Variants in IFT74 observed in about 807,000 individuals in gnomAD.
IFT74 encodes the protein intraflagellar transport protein 74 homolog.
IFT74 carries 92 observed loss-of-function variants against 96.7 expected under a neutral mutation model. The observed-to-expected ratio is 0.95, with a 90% CI of 0.80 to 1.13. The LOEUF is 1.13. Among genes scored for constraint, IFT74 ranks in the 50% most tolerant of loss-of-function variants. The pLI, the probability that IFT74 is intolerant of heterozygous loss-of-function variation, is 0.00. For synonymous variants in IFT74, 223 were observed against 213.2 expected (o/e 1.05, Z -0.40); for missense variants, 811 against 698.2 (o/e 1.16, Z -1.82).
At chr9:27,059,947 C>G (rs1400463325) in intron 18 of IFT74, among the ~76,000 whole-genome samples, 2 of 152,114 alleles carry the variant, frequency 1.3e-5, no homozygotes, top group Non-Finnish European at 2.9e-5. Flanking sequence ...AAGACCATAA[C>G]CAGAGTTACA....
intron 3 of IFT74, among the ~76,000 whole-genome samples, chr9:26,979,615 A>G (rs1265384940): frequency 1.3e-5 from 2 of 149,988 alleles, no homozygotes; most frequent in Non-Finnish European, 3.0e-5. Flanking sequence ...CATAGACCTT[A>G]TAGTTAATAC....
At chr9:26,963,097 AT>A (rs1373497028) in intron 2 of IFT74, among the ~76,000 whole-genome samples, 5 of 152,014 alleles carry the variant, frequency 3.3e-5, no homozygotes, top group Admixed American at 6.6e-5. Flanking sequence ...TCCCGATGCT[AT>A]CCCTCCTCTC....
At chr9:26,963,161 A>G (rs1826444114) in intron 2 of IFT74, among the ~76,000 whole-genome samples, 1 of 151,450 alleles carries the variant, frequency 6.6e-6, no homozygotes, top group South Asian at 2.1e-4. Context: ...TCCTGTGTCC[A>G]TGTGATCTCA....
intron 10 of IFT74, among the ~76,000 whole-genome samples, chr9:27,012,810 A>G (rs1003262087): frequency 7.4e-6 from 1 of 135,314 alleles, no homozygotes; most frequent in Non-Finnish European, 1.5e-5. Flanking sequence ...TCCGCCTCCC[A>G]GGTTCACGCC....
At chr9:27,028,105 A>G (rs915508739) in intron 12 of IFT74, among the ~76,000 whole-genome samples, 2 of 152,212 alleles carry the variant, frequency 1.3e-5, no homozygotes, top group African/African-American at 4.8e-5. Context: ...TCGGTTAGCT[A>G]TAGATATATG....
chr9:27,008,984 T>C (rs771398573), intron 8 of IFT74, 36 bp from the exon 9 acceptor site: 2 of 1,548,836 alleles, frequency 1.3e-6, no homozygotes, highest in South Asian at 1.2e-5. Context: ...TTTTCCTCAA[T>C]ATAGTATCAG....
At chr9:27,046,916 T>C (rs1819717194) in intron 14 of IFT74, among the ~76,000 whole-genome samples, 1 of 152,194 alleles carries the variant, frequency 6.6e-6, no homozygotes, top group Non-Finnish European at 1.5e-5. Context: ...GGCTCAAGCT[T>C]ATAATCCCAG....
At chr9:26,997,899 C>T in intron 8 of IFT74, 1 of 1,614,130 alleles carries the variant, frequency 6.2e-7, no homozygotes, top group Non-Finnish European at 8.5e-7. Flanking sequence ...CTTAGAGGCA[C>T]AAATACATCA....
chr9:27,017,038 A>C lies in IFT74; in HGVS notation c.921A>C (p.Lys307Asn), dbSNP rs1179388711. 1 of 1,604,110 alleles carries C rather than the reference A, an allele frequency of 6.2e-7. No individual in the cohort carries two copies. Among genetic ancestry groups the C allele is most frequent in the East Asian group, 2.2e-5 (1 of 44,646 alleles). ...GATCTCCAATGGAAGAGAGAGAGAAATTACTTAAGCAGGTGGGCAAAACAA... is the reference window on the plus strand; with the variant it reads ...GATCTCCAATGGAAGAGAGAGAGAACTTACTTAAGCAGGTGGGCAAAACAA... ...SIGSPMEERE[K>N]LLKQIKDDNQ... Residue 307 changes from lysine to asparagine, a missense_variant, in exon 11 of 20, where the codon AAA becomes AAC. Lys to Asn is a moderately conservative substitution (Grantham distance 94, BLOSUM62 0). Coordinates refer to ENST00000380062, the MANE Select transcript of IFT74 (RefSeq NM_025103.4).
Position 27,048,323 on chromosome 9 carries a change from A to G in IFT74, c.1333+49A>G, listed in dbSNP as rs776948040. ...ATATTCTTTTTTTTTAAAATATATC[A>G]ATGTTATTCTCTGATTATTTTAAAG... is the stretch of plus-strand genomic sequence containing the variant. On this transcript the variant is annotated intron_variant, in intron 16 of 19. Transcript: ENST00000380062. 7 of 1,241,202 alleles carry G rather than the reference A, an allele frequency of 5.6e-6. No individual in the cohort carries two copies. In the Admixed American group the frequency reaches 1.2e-4, roughly 21 times the overall value. 76.9% of individuals were successfully genotyped at this position (1,241,202 alleles called of 1,614,324 possible).
intron 2 of IFT74, among the ~76,000 whole-genome samples, chr9:26,970,649 A>G (rs1416124548): frequency 2.0e-5 from 3 of 152,252 alleles, no homozygotes; most frequent in Non-Finnish European, 2.9e-5. Context: ...TTTACCAGGA[A>G]GAGATATAAC....
chr9:27,015,963 A>C (rs1829325045), intron 10 of IFT74, among the ~76,000 whole-genome samples: 1 of 152,144 alleles, frequency 6.6e-6, no homozygotes, highest in South Asian at 2.1e-4. Flanking sequence ...GTTAGCTAAT[A>C]ACATTTTTGT....
chr9:27,048,121 T>C (rs777992989), intron 15 of IFT74, 27 bp from the exon 16 acceptor site: 3 of 1,510,150 alleles, frequency 2.0e-6, no homozygotes, highest in Non-Finnish European at 2.7e-6. Flanking sequence ...TGGATTTTTT[T>C]CTATTTTTAT....
Position 27,017,022 on chromosome 9 carries a change from T to G in IFT74, c.905T>G (p.Met302Arg). Residue 302 changes from methionine (M) to arginine (R), a missense_variant, in exon 11 of 20, where the codon ATG becomes AGG. Coordinates refer to ENST00000380062, the MANE Select transcript of IFT74 (RefSeq NM_025103.4). ...IAEDKSIGSP[M>R]EEREKLLKQI... ...GAAGACAAAAGCATAGGATCTCCAA[T>G]GGAAGAGAGAGAGAAATTACTTAAG... The G allele has an allele frequency of 6.2e-7, 1 of 1,606,214 alleles. No homozygotes were observed. Among genetic ancestry groups the G allele is most frequent in the Non-Finnish European group, 8.5e-7 (1 of 1,177,280 alleles).
intron 1 of IFT74, among the ~76,000 whole-genome samples, chr9:26,959,252 A>G (rs1826250103): frequency 6.6e-6 from 1 of 152,030 alleles, no homozygotes; most frequent in Admixed American, 6.6e-5. Flanking sequence ...GGGACTACAG[A>G]CACTCGCCAC....
In IFT74 at chr9:27,014,312, C is replaced by T. The variant is rs142964808; in HGVS notation, c.789+2344C>T. 5.1e-4 allele frequency among the ~76,000 whole-genome samples: 78 copies of T among 152,254 alleles called. 1 individual carries two copies. Among genetic ancestry groups the T allele is most frequent in the Admixed American group, 6.5e-4 (10 of 15,300 alleles). ...CCTTGGATCTCTGGTGATGGAAATA[C>T]GCTTAAAGAAAGAAGGACCACATTT... On this transcript the variant is annotated intron_variant, in intron 10 of 19. Coordinates refer to ENST00000380062, the MANE Select transcript of IFT74 (RefSeq NM_025103.4).
intron 2 of IFT74, among the ~76,000 whole-genome samples, chr9:26,970,047 C>T (rs1219910498): frequency 6.6e-6 from 1 of 151,696 alleles, no homozygotes; most frequent in African/African-American, 2.4e-5. Flanking sequence ...TTAATTTCCA[C>T]TGAAAGGTCT....
At chr9:27,019,568 C>T (rs776480270) in intron 12 of IFT74, among the ~76,000 whole-genome samples, 2 of 150,888 alleles carry the variant, frequency 1.3e-5, no homozygotes, top group African/African-American at 4.9e-5. Context: ...TAATAAAATA[C>T]TAAGCATGTA....
chr9:27,036,394 C>T, intron 13 of IFT74: 2 of 1,589,296 alleles, frequency 1.3e-6, no homozygotes, highest in South Asian at 1.1e-5. Flanking sequence ...CTCTTTTTAC[C>T]ACAGCAATTT....
Sources: gnomAD v4.1 joint callset for allele counts (sites outside exome capture counted in the v4.1 genomes callset) on GRCh38, gnomAD v4.1.1 for gene constraint, MANE v1.5 for transcripts, NCBI Gene and HGNC (gene_info 2026-07-23, HGNC 2026-07-21) for gene names.